IQCB1: variants seen among roughly 807,000 people sequenced by gnomAD.
The protein encoded by IQCB1 is IQ motif containing B1, also known as IQ calmodulin-binding motif-containing protein 1.
Under a neutral mutation model 84.4 loss-of-function variants are expected in IQCB1, and 56 were observed. The observed-to-expected ratio is 0.66, with a 90% CI of 0.54 to 0.83. IQCB1 has a LOEUF of 0.83. Among genes scored for constraint, IQCB1 ranks in the 40% least tolerant of loss-of-function variants. IQCB1 has a pLI of 0.00. For synonymous variants in IQCB1, 210 were observed against 234.8 expected (o/e 0.89, Z 0.96); for missense variants, 629 against 682.1 (o/e 0.92, Z 0.87).
Position 121,788,450 on chromosome 3 carries a change from A to G in IQCB1, c.1130-18T>C. The G allele has an allele frequency of 6.2e-7, 1 of 1,608,478 alleles. No individual in the cohort carries two copies. Among genetic ancestry groups the G allele is most frequent in the Non-Finnish European group, 8.5e-7 (1 of 1,175,272 alleles). On this transcript the variant is annotated intron_variant, in intron 11 of 14. Coordinates refer to ENST00000310864, the MANE Select transcript of IQCB1 (RefSeq NM_001023570.4). ...CACCTGACCTAAAAAGATGATAGAC[A>G]CTATTACAACATACTCACTGCCATG...
intron 5 of IQCB1, among the ~76,000 whole-genome samples, chr3:121,812,314 GA>G (rs1949860431): frequency 6.6e-6 from 1 of 152,112 alleles, no homozygotes. Flanking sequence ...TGAAGATGAG[GA>G]AAAACCAGCA....
At chr3:121,817,560 A>T (rs150971921) in intron 5 of IQCB1, among the ~76,000 whole-genome samples, 708 of 152,310 alleles carry the variant, frequency 4.6e-3, no homozygotes, top group Non-Finnish European at 6.2e-3. Context: ...TCTTAAACTA[A>T]AAATACATCT....
chr3:121,780,651 C>T (rs78728745), intron 13 of IQCB1, among the ~76,000 whole-genome samples: 1 of 152,292 alleles, frequency 6.6e-6, no homozygotes, highest in African/African-American at 2.4e-5. Context: ...CAGTGGTTAC[C>T]AGATACATGC....
chr3:121,773,746 G>C (rs1211157421), intron 13 of IQCB1, among the ~76,000 whole-genome samples: 1 of 151,990 alleles, frequency 6.6e-6, no homozygotes, highest in Non-Finnish European at 1.5e-5. Flanking sequence ...ACTACATATA[G>C]TGTATTAGAA....
chr3:121,829,049 A>G (rs1950546839), intron 2 of IQCB1, 77 bp from the exon 3 acceptor site: 1 of 791,146 alleles, frequency 1.3e-6, no homozygotes, highest in South Asian at 1.5e-5. Context: ...TTTGAAATAT[A>G]ATTTCAATAT....
At chr3:121,787,613 T>A (rs1948789361) in intron 12 of IQCB1, among the ~76,000 whole-genome samples, 1 of 151,998 alleles carries the variant, frequency 6.6e-6, no homozygotes, top group African/African-American at 2.4e-5. Context: ...TAGATGGGTG[T>A]GGTGGTGCAT....
intron 10 of IQCB1, among the ~76,000 whole-genome samples, chr3:121,791,776 C>T (rs1156634990): frequency 4.6e-5 from 7 of 152,212 alleles, no homozygotes; most frequent in Admixed American, 1.3e-4. Flanking sequence ...ACAGAGCCTC[C>T]TTTTAAACTG....
Position 121,807,449 on chromosome 3 carries a change from G to T in IQCB1, c.488-6C>A. 2 of 1,336,866 alleles carry T rather than the reference G, an allele frequency of 1.5e-6. No individual in the cohort carries two copies. The highest frequency in any genetic ancestry group is 2.1e-6 in the Non-Finnish European group (2 of 933,314). The allele number at this position is 1,336,866 out of a possible 1,614,324, so 82.8% of individuals were successfully genotyped here. On this transcript the variant is annotated splice_polypyrimidine_tract_variant and splice_region_variant and intron_variant, in intron 6 of 14. Transcript: ENST00000310864. ...GAAATGATCACTTTGTAGTACTAAAGGAAAAGAAAAAAAAAGAAAGATTAA... is the reference window on the plus strand; with the variant it reads ...GAAATGATCACTTTGTAGTACTAAATGAAAAGAAAAAAAAAGAAAGATTAA...
chr3:121,772,421 G>A, intron 14 of IQCB1, 136 bp downstream of exon 14: 1 of 812,520 alleles, frequency 1.2e-6, no homozygotes, highest in Non-Finnish European at 2.1e-6. Context: ...GTGCTGGTCT[G>A]ATCTATGTAG....
At chr3:121,794,324 T>C (rs1271125103) in intron 10 of IQCB1, among the ~76,000 whole-genome samples, 1 of 152,148 alleles carries the variant, frequency 6.6e-6, no homozygotes, top group Non-Finnish European at 1.5e-5. Flanking sequence ...CCAGATAATA[T>C]GCTAAAAACT....
chr3:121,804,841 C>T (rs1949546344), intron 7 of IQCB1, among the ~76,000 whole-genome samples: 1 of 152,134 alleles, frequency 6.6e-6, no homozygotes, highest in Non-Finnish European at 1.5e-5. Flanking sequence ...ACTCTGATTA[C>T]ACTTATGTAA....
Position 121,808,896 on chromosome 3 carries a change from ATTAAAATCT to A in IQCB1, c.487+11_487+19del. 1 of 1,465,152 alleles carries A rather than the reference ATTAAAATCT, an allele frequency of 6.8e-7. No individual in the cohort carries two copies. Among genetic ancestry groups the A allele is most frequent in the Non-Finnish European group, 9.6e-7 (1 of 1,044,976 alleles). The allele number at this position is 1,465,152 out of a possible 1,614,324, so 90.8% of individuals were successfully genotyped here. ...TGACTCTACAATAGCTATTAGTTACATTAAAATCTTTTCTCTTACCATTCTGAATAAGTT... is the reference window on the plus strand; with the variant it reads ...TGACTCTACAATAGCTATTAGTTACATTTCTCTTACCATTCTGAATAAGTT... On this transcript the variant is annotated intron_variant, in intron 6 of 14. Coordinates refer to ENST00000310864, the MANE Select transcript of IQCB1 (RefSeq NM_001023570.4).
intron 2 of IQCB1, 45 bp from the exon 3 acceptor site, chr3:121,829,017 A>G: frequency 1.0e-6 from 1 of 961,164 alleles, no homozygotes; most frequent in Non-Finnish European, 1.7e-6. Flanking sequence ...AAAGCCAGGA[A>G]ATGTTCACTA....
intron 13 of IQCB1, among the ~76,000 whole-genome samples, chr3:121,775,149 T>C (rs1208837147): frequency 6.6e-6 from 1 of 152,232 alleles, no homozygotes; most frequent in Non-Finnish European, 1.5e-5. Context: ...ATTCTACCTC[T>C]GCTCACAGGA....
Position 121,817,638 on chromosome 3 carries a change from G to A in IQCB1, c.393+8413C>T, listed in dbSNP as rs1226067382. ...CTATTAGCCTGGGAATTCCTTAAAT[G>A]TAAGACTGTGTCTATTCTTTATATA... On this transcript the variant is annotated intron_variant, in intron 5 of 14. Coordinates refer to ENST00000310864, the MANE Select transcript of IQCB1 (RefSeq NM_001023570.4). Among the ~76,000 whole-genome samples the A allele has an allele frequency of 2.0e-5, 3 of 152,102 alleles. No individual in the cohort carries two copies. In the East Asian group the frequency reaches 5.8e-4, roughly 29 times the overall value.
chr3:121,817,009 C>T (rs4395433), intron 5 of IQCB1, among the ~76,000 whole-genome samples: 151,702 of 152,330 alleles, frequency 1, 75,542 homozygotes, highest in East Asian at 1. Flanking sequence ...GGAACCAAAC[C>T]AAATGCCCAT....
Position 121,771,578 on chromosome 3 carries a change from C to T in IQCB1, c.1567+979G>A, listed in dbSNP as rs192503070. 5.7e-3 allele frequency among the ~76,000 whole-genome samples: 862 copies of T among 152,226 alleles called. 9 individuals carry two copies. Among genetic ancestry groups the T allele is most frequent in the Non-Finnish European group, 9.5e-3 (646 of 68,012 alleles). On this transcript the variant is annotated intron_variant, in intron 14 of 14. Transcript: ENST00000310864. ...TCCTGACCTCGTGATCCGCCCACTT[C>T]GGCCTCCCAAAGTGCTGGGATTAGA...
intron 7 of IQCB1, among the ~76,000 whole-genome samples, chr3:121,805,784 T>G (rs948779913): frequency 6.6e-6 from 1 of 152,140 alleles, no homozygotes; most frequent in Non-Finnish European, 1.5e-5. Context: ...TTCCTTACAA[T>G]GTGCAGATCA....
At chr3:121,792,543 T>G in intron 10 of IQCB1, among the ~76,000 whole-genome samples, 1 of 141,748 alleles carries the variant, frequency 7.1e-6, no homozygotes, top group Admixed American at 7.2e-5. Flanking sequence ...GCGCCTGTAG[T>G]CCCAGCTACT....
Sources: gnomAD v4.1 joint callset for allele counts (sites outside exome capture counted in the v4.1 genomes callset) on GRCh38, gnomAD v4.1.1 for gene constraint, MANE v1.5 for transcripts, NCBI Gene and HGNC (gene_info 2026-07-23, HGNC 2026-07-21) for gene names.